The following CRACD variants were observed in gnomAD, a reference collection of about 807,000 sequenced individuals.
The protein encoded by CRACD is capping protein inhibiting regulator of actin dynamics, also known as capping protein-inhibiting regulator of actin dynamics.
A neutral mutation model predicts 106.8 loss-of-function variants in CRACD; 56 were observed. The ratio of observed to expected loss-of-function variants is 0.52; its 90% CI spans 0.42 to 0.66. The LOEUF (loss-of-function observed/expected upper bound fraction) is 0.66. Among genes scored for constraint, CRACD ranks in the 30% least tolerant of loss-of-function variants. The pLI is 0.00. For missense variants in CRACD, 1,730 were observed against 1,623.2 expected (o/e 1.07, Z -1.13); for synonymous variants, 754 against 670.8 (o/e 1.12, Z -1.92).
rs187414739 is a variant in CRACD at position 56,160,412 on chromosome 4, G to A, written c.-335-18872G>A. Among the ~76,000 whole-genome samples, 224 of 151,844 alleles carry A rather than the reference G, an allele frequency of 1.5e-3. 1 individual carries two copies. The highest frequency in any genetic ancestry group is 2.6e-3 in the Admixed American group (39 of 15,252). ...TTGCCCAGGCTGGTCTCAAACTCCT[G>A]AGCTCAAACAGTCTGCCCGCCTCAG... On this transcript the variant is annotated intron_variant, in intron 1 of 10. Transcript: ENST00000682029.
At position 56,263,883 on chromosome 4, in the gene CRACD, C is replaced by T. The variant is rs1026387540; in HGVS notation, c.-188-8438C>T. Among the ~76,000 whole-genome samples the T allele has an allele frequency of 4.9e-4, 74 of 152,192 alleles. 1 individual carries two copies. The highest frequency in any genetic ancestry group is 1.7e-3 in the African/African-American group (72 of 41,524). Reference sequence around the variant, plus strand: ...TTGAAGAATGAGTAGAATTTCATCACGTTGAGTTGTGCCCGATCTCTCTCT... The same window carrying T: ...TTGAAGAATGAGTAGAATTTCATCATGTTGAGTTGTGCCCGATCTCTCTCT... On this transcript the variant is annotated intron_variant, in intron 2 of 10. Transcript: ENST00000682029.
At chr4:56,214,681 C>CTATATA (rs545506498) in intron 2 of CRACD, among the ~76,000 whole-genome samples, 3,425 of 80,928 alleles carry the variant, frequency 0.042, 231 homozygotes, top group Middle Eastern at 0.083. Flanking sequence ...CTCTCTCTCT[C>CTATATA]TATATATATA....
intron 1 of CRACD, among the ~76,000 whole-genome samples, chr4:56,157,547 G>A (rs1213723897): frequency 6.6e-6 from 1 of 152,122 alleles, no homozygotes; most frequent in South Asian, 2.1e-4. Flanking sequence ...CAGTTAGCTA[G>A]CAAATACCAT....
intron 1 of CRACD, among the ~76,000 whole-genome samples, chr4:56,120,062 G>A (rs1734434079): frequency 6.6e-6 from 1 of 152,154 alleles, no homozygotes. Flanking sequence ...TTGTGTGAAG[G>A]TGAAACTAGT....
chr4:56,142,253 A>G (rs186185849), intron 1 of CRACD, among the ~76,000 whole-genome samples: 79 of 152,332 alleles, frequency 5.2e-4, no homozygotes, highest in South Asian at 4.6e-3. Flanking sequence ...TCACATCAAG[A>G]AATCTATATG....
chr4:56,059,928 C>T (rs1732214812), intron 1 of CRACD, among the ~76,000 whole-genome samples: 1 of 152,206 alleles, frequency 6.6e-6, no homozygotes, highest in Non-Finnish European at 1.5e-5. Flanking sequence ...ATGTGATCCA[C>T]TTGCCTCGGC....
chr4:56,162,102 G>A (rs989059115), intron 1 of CRACD, among the ~76,000 whole-genome samples: 5 of 152,162 alleles, frequency 3.3e-5, no homozygotes, highest in African/African-American at 1.2e-4. Context: ...CAGGGCAGGT[G>A]AGACTACAAG....
intron 2 of CRACD, among the ~76,000 whole-genome samples, chr4:56,233,345 G>T (rs1739757650): frequency 1.3e-5 from 2 of 152,044 alleles, no homozygotes; most frequent in Admixed American, 1.3e-4. Context: ...GGGCTCAAGA[G>T]ATCCACCTGC....
At chr4:56,076,538 T>G (rs1361183943) in intron 1 of CRACD, among the ~76,000 whole-genome samples, 2 of 152,244 alleles carry the variant, frequency 1.3e-5, no homozygotes, top group Non-Finnish European at 2.9e-5. Flanking sequence ...ACATCCAATT[T>G]GAACCTCAGA....
At chr4:56,123,606 G>A (rs1734561739) in intron 1 of CRACD, among the ~76,000 whole-genome samples, 1 of 152,124 alleles carries the variant, frequency 6.6e-6, no homozygotes, top group Non-Finnish European at 1.5e-5. Flanking sequence ...TAGAAGGTAG[G>A]CAGTCTTATT....
intron 2 of CRACD, among the ~76,000 whole-genome samples, chr4:56,247,861 AAG>A (rs201091189): frequency 0.013 from 2,019 of 151,350 alleles, 47 homozygotes; most frequent in African/African-American, 0.042. Context: ...AAAAAAAAAA[AAG>A]AGAGAGAGAG....
chr4:56,178,563 T>C (rs1428515072), intron 1 of CRACD, among the ~76,000 whole-genome samples: 1 of 152,204 alleles, frequency 6.6e-6, no homozygotes, highest in Non-Finnish European at 1.5e-5. Context: ...AGCTAGTCCC[T>C]CATAGCCAGA....
intron 4 of CRACD, among the ~76,000 whole-genome samples, chr4:56,301,697 C>T (rs975067539): frequency 2.6e-5 from 4 of 151,864 alleles, no homozygotes; most frequent in African/African-American, 7.3e-5. Context: ...GTGGGCTCAC[C>T]GAGAACTGTC....
At position 56,277,454 on chromosome 4, in the gene CRACD, T is replaced by TAA. The variant is rs144673146; in HGVS notation, c.-17+4974_-17+4975dup. On this transcript the variant is annotated intron_variant, in intron 3 of 10. Transcript: ENST00000682029. ...AGATCCAACATCCTTTCATGATTTA[T>TAA]AAAAAAAAAAAAATAGACAACACTG... Among the ~76,000 whole-genome samples the TAA allele has an allele frequency of 2.9e-3, 415 of 143,752 alleles. 4 individuals carry two copies. The highest frequency in any genetic ancestry group is 9.1e-3 in the African/African-American group (362 of 39,660). 94.3% of individuals were successfully genotyped at this position (143,752 alleles called of 152,430 possible).
chr4:56,093,518 A>G (rs1452654827), intron 1 of CRACD, among the ~76,000 whole-genome samples: 2 of 152,204 alleles, frequency 1.3e-5, no homozygotes, highest in South Asian at 2.1e-4. Context: ...CCCTGGGCAC[A>G]TGGAACCTGG....
In CRACD at chr4:56,123,745, C is replaced by T. The variant is rs181140766; in HGVS notation, c.-335-55539C>T. On this transcript the variant is annotated intron_variant, in intron 1 of 10. Transcript: ENST00000682029. ...TCCATCTTCAGAGACCACAGTAGTA[C>T]CCCCCCTACACTGTCCATGGTGCTT... is the stretch of plus-strand genomic sequence containing the variant. 3.9e-3 allele frequency among the ~76,000 whole-genome samples: 523 copies of T among 133,812 alleles called. 3 individuals carry two copies. Among genetic ancestry groups the T allele is most frequent in the African/African-American group, 0.015 (500 of 33,018 alleles). 87.8% of individuals were successfully genotyped at this position (133,812 alleles called of 152,430 possible).
chr4:56,134,497 G>A (rs116080398), intron 1 of CRACD, among the ~76,000 whole-genome samples: 291 of 152,274 alleles, frequency 1.9e-3, no homozygotes, highest in African/African-American at 6.3e-3. Flanking sequence ...GCTCCAGAAC[G>A]GATGTGCTCT....
At chr4:56,202,917 G>A (rs1737951361) in intron 2 of CRACD, among the ~76,000 whole-genome samples, 1 of 152,134 alleles carries the variant, frequency 6.6e-6, no homozygotes, top group Admixed American at 6.6e-5. Context: ...TGAAATTTAA[G>A]AAGATTTTAT....
At chr4:56,214,443 T>C (rs1045265327) in intron 2 of CRACD, among the ~76,000 whole-genome samples, 24 of 150,944 alleles carry the variant, frequency 1.6e-4, no homozygotes, top group Non-Finnish European at 1.0e-4. Context: ...AATACAAAAA[T>C]TAGCTGGGTG....
Sources: allele counts gnomAD v4.1 joint callset (sites outside exome capture counted in the v4.1 genomes callset), GRCh38; gene constraint gnomAD v4.1.1; transcripts MANE v1.5; gene names NCBI Gene and HGNC (gene_info 2026-07-23, HGNC 2026-07-21).